FNIP1: variants seen among roughly 807,000 people sequenced by gnomAD.
FNIP1 encodes folliculin interacting protein 1.
A neutral mutation model predicts 124.5 loss-of-function variants in FNIP1; 40 were observed. That is an observed-to-expected ratio of 0.32 (90% CI 0.25 to 0.42). FNIP1 has a LOEUF of 0.42. FNIP1 is among the 10% of genes least tolerant of loss of function. FNIP1 has a pLI of 1.00. For missense variants in FNIP1, 1,176 were observed against 1,403.7 expected (o/e 0.84, Z 2.59); for synonymous variants, 472 against 470.6 (o/e 1.00, Z -0.04).
At chr5:131,754,546 G>C (rs559497109) in intron 1 of FNIP1, among the ~76,000 whole-genome samples, 64 of 152,340 alleles carry the variant, frequency 4.2e-4, no homozygotes, top group Non-Finnish European at 7.6e-4. Flanking sequence ...GATACTTCAA[G>C]TTTCAGCTTC....
rs560074024 is a variant in FNIP1 at position 131,729,157 on chromosome 5, G to C, written c.354+1747C>G. Among the ~76,000 whole-genome samples the C allele has an allele frequency of 1.6e-3, 248 of 152,290 alleles. 1 individual carries two copies. Among genetic ancestry groups the C allele is most frequent in the African/African-American group, 5.7e-3 (238 of 41,558 alleles). Reference sequence around the variant, plus strand: ...AGGTATCTCCCAGTGAGGAGTCATAGGGGTCAGGGACCCACTTGAGGAGGT... The same window carrying C: ...AGGTATCTCCCAGTGAGGAGTCATACGGGTCAGGGACCCACTTGAGGAGGT... On this transcript the variant is annotated intron_variant, in intron 3 of 17. Coordinates refer to ENST00000510461, the MANE Select transcript of FNIP1 (RefSeq NM_133372.3).
rs147823626 is a variant in FNIP1 at position 131,665,988 on chromosome 5, G to A, written c.3108+4475C>T. Among the ~76,000 whole-genome samples the A allele has an allele frequency of 4.2e-5, 6 of 144,394 alleles. No individual in the cohort carries two copies. The East Asian group carries it at 6.3e-4, about 15-fold the overall frequency. 94.7% of individuals were successfully genotyped at this position (144,394 alleles called of 152,430 possible). On this transcript the variant is annotated intron_variant, in intron 15 of 17. Coordinates refer to ENST00000510461, the MANE Select transcript of FNIP1 (RefSeq NM_133372.3). The stretch of plus-strand genomic sequence containing the variant: ...GTGATCTCACCTCACTGCAAGCTCC[G>A]CCTCCTGGGTTCAGGCCATTCTCCT...
intron 1 of FNIP1, among the ~76,000 whole-genome samples, chr5:131,751,719 C>T (rs1430913929): frequency 6.6e-6 from 1 of 152,086 alleles, no homozygotes; most frequent in African/African-American, 2.4e-5. Flanking sequence ...ATGGGTGAAC[C>T]TTGAAAACAT....
At position 131,719,071 on chromosome 5, in the gene FNIP1, A is replaced by C; in HGVS notation, c.456-11T>G. 1 of 1,612,492 alleles carries C rather than the reference A, an allele frequency of 6.2e-7. No individual in the cohort carries two copies. Among genetic ancestry groups the C allele is most frequent in the Non-Finnish European group, 8.5e-7 (1 of 1,178,766 alleles). On this transcript the variant is annotated splice_polypyrimidine_tract_variant and intron_variant, in intron 4 of 17. Transcript: ENST00000510461. ...AGCTGTGGAGGGGAACTATGAAGAA[A>C]AAGAGAAAGAGAGAGACCAAAACTA... is the stretch of plus-strand genomic sequence containing the variant.
chr5:131,764,417 C>T (rs1055743459), intron 1 of FNIP1, among the ~76,000 whole-genome samples: 4 of 151,024 alleles, frequency 2.6e-5, no homozygotes, highest in African/African-American at 4.9e-5. Context: ...AAGTGACTCT[C>T]ACCTCAGCCT....
chr5:131,781,085 A>G (rs554784822), intron 1 of FNIP1, among the ~76,000 whole-genome samples: 1 of 152,350 alleles, frequency 6.6e-6, no homozygotes, highest in Admixed American at 6.5e-5. Context: ...CAAAATATGA[A>G]TGGTCTGGAT....
rs180788373 is a variant in FNIP1, at chr5:131,739,455, G to A, written c.219+5109C>T. Among the ~76,000 whole-genome samples, 6 of 152,214 alleles carry A rather than the reference G, an allele frequency of 3.9e-5. No homozygotes were observed. In the East Asian group the frequency reaches 7.7e-4, roughly 20 times the overall value. On this transcript the variant is annotated intron_variant, in intron 2 of 17. Transcript: ENST00000510461. ...TAATCATATACCAAAATTCCTGAACGTATTTGGATGTATTTCTGATCCTCT... is the reference window on the plus strand; with the variant it reads ...TAATCATATACCAAAATTCCTGAACATATTTGGATGTATTTCTGATCCTCT...
At chr5:131,733,432 T>G (rs1770170558) in intron 2 of FNIP1, among the ~76,000 whole-genome samples, 1 of 152,304 alleles carries the variant, frequency 6.6e-6, no homozygotes, top group Admixed American at 6.5e-5. Flanking sequence ...TGCTTCCAGT[T>G]TTTGTCCATT....
Position 131,711,016 on chromosome 5 carries a change from C to T in FNIP1, c.623-355G>A, listed in dbSNP as rs568463419. ...AGTACGATAATGTTATCTATCTAAT[C>T]TGATATTTGCCAAATAAATTCATTT... On this transcript the variant is annotated intron_variant, in intron 6 of 17. Transcript: ENST00000510461. Among the ~76,000 whole-genome samples the T allele has an allele frequency of 2.0e-3, 307 of 152,242 alleles. 1 individual carries two copies. Among genetic ancestry groups the T allele is most frequent in the African/African-American group, 7.1e-3 (294 of 41,532 alleles).
At chr5:131,750,112 C>T (rs1171966220) in intron 1 of FNIP1, among the ~76,000 whole-genome samples, 1 of 152,072 alleles carries the variant, frequency 6.6e-6, no homozygotes, top group Non-Finnish European at 1.5e-5. Context: ...ACCTCATGTG[C>T]TTGAATTTGG....
intron 10 of FNIP1, among the ~76,000 whole-genome samples, chr5:131,700,933 A>G (rs958175826): frequency 2.0e-5 from 3 of 152,214 alleles, no homozygotes; most frequent in Non-Finnish European, 4.4e-5. Flanking sequence ...AAAATGCGAT[A>G]CTACAATTGA....
At chr5:131,665,692 C>A (rs189389147) in intron 15 of FNIP1, among the ~76,000 whole-genome samples, 3 of 149,984 alleles carry the variant, frequency 2.0e-5, no homozygotes, top group Admixed American at 6.6e-5. Flanking sequence ...CAGGTTCAAG[C>A]GATTGTCCTG....
In FNIP1 at chr5:131,682,548, G is replaced by A. The variant is rs573502450; in HGVS notation, c.1203-3373C>T. On this transcript the variant is annotated intron_variant, in intron 11 of 17. Coordinates refer to ENST00000510461, the MANE Select transcript of FNIP1 (RefSeq NM_133372.3). ...AGCCTGGCCAACATGGCAAAATCCC[G>A]TCTACTAAAAATACAAAAATTAGCT... Among the ~76,000 whole-genome samples the A allele has an allele frequency of 2.2e-4, 33 of 151,908 alleles. No homozygotes were observed. In the East Asian group the frequency reaches 3.9e-3, roughly 18 times the overall value.
chr5:131,655,120 T>C (rs890805961), intron 15 of FNIP1, among the ~76,000 whole-genome samples: 1 of 152,216 alleles, frequency 6.6e-6, no homozygotes, highest in Non-Finnish European at 1.5e-5. Context: ...GTAAAGTTTT[T>C]GGAAATTTGC....
At chr5:131,727,519 C>G (rs1222508712) in intron 3 of FNIP1, among the ~76,000 whole-genome samples, 1 of 151,506 alleles carries the variant, frequency 6.6e-6, no homozygotes, top group Non-Finnish European at 1.5e-5. Context: ...TTTTTGCTTT[C>G]CATTTGCTTG....
intron 10 of FNIP1, among the ~76,000 whole-genome samples, chr5:131,700,309 G>C (rs1453418617): frequency 1.3e-5 from 2 of 152,064 alleles, no homozygotes; most frequent in Non-Finnish European, 2.9e-5. Flanking sequence ...AATATATTTA[G>C]CCAAGGTTAA....
At chr5:131,648,532 CA>C (rs1014805056) in intron 16 of FNIP1, among the ~76,000 whole-genome samples, 1 of 152,096 alleles carries the variant, frequency 6.6e-6, no homozygotes, top group Non-Finnish European at 1.5e-5. Flanking sequence ...TTGTAAAACA[CA>C]ACCAAATGGT....
intron 17 of FNIP1, among the ~76,000 whole-genome samples, chr5:131,646,730 C>T (rs1580722856): frequency 6.6e-6 from 1 of 152,164 alleles, no homozygotes; most frequent in Non-Finnish European, 1.5e-5. Context: ...TTACCATCTA[C>T]AGACTTCTGT....
At chr5:131,752,297 C>A (rs989129212) in intron 1 of FNIP1, among the ~76,000 whole-genome samples, 1 of 152,112 alleles carries the variant, frequency 6.6e-6, no homozygotes, top group African/African-American at 2.4e-5. Flanking sequence ...CCTGCCTCGG[C>A]CTCCCAAAGT....
Sources: allele counts gnomAD v4.1 joint callset (sites outside exome capture counted in the v4.1 genomes callset), GRCh38; gene constraint gnomAD v4.1.1; transcripts MANE v1.5; gene names NCBI Gene and HGNC (gene_info 2026-07-23, HGNC 2026-07-21).